The following EFR3B variants were observed in gnomAD, a reference collection of about 807,000 sequenced individuals.
The protein encoded by EFR3B is protein EFR3 homolog B.
A neutral mutation model predicts 104.7 loss-of-function variants in EFR3B; 64 were observed. The observed-to-expected ratio is 0.61, with a 90% CI of 0.50 to 0.75. EFR3B has a LOEUF of 0.75. Ranked by LOEUF, EFR3B falls within the 30% of genes least tolerant of loss-of-function variation. The pLI, the probability that EFR3B is intolerant of heterozygous loss-of-function variation, is 0.00. For missense variants in EFR3B, 750 were observed against 1,078.5 expected (o/e 0.70, Z 4.27); for synonymous variants, 385 against 417.9 (o/e 0.92, Z 0.96).
intron 1 of EFR3B, among the ~76,000 whole-genome samples, chr2:25,071,046 C>T (rs775912522): frequency 5.4e-5 from 8 of 147,974 alleles, no homozygotes; most frequent in Non-Finnish European, 1.2e-4. Context: ...CTGCAAGCTC[C>T]GCCTCCCGGG....
chr2:25,062,571 A>G (rs1448546812), intron 1 of EFR3B, among the ~76,000 whole-genome samples: 1 of 152,236 alleles, frequency 6.6e-6, no homozygotes, highest in Admixed American at 6.5e-5. Context: ...AGCCCGCACC[A>G]GGGCTCTTAC....
At chr2:25,115,159 C>A (rs551412770) in intron 4 of EFR3B, among the ~76,000 whole-genome samples, 15 of 152,074 alleles carry the variant, frequency 9.9e-5, no homozygotes, top group Middle Eastern at 6.8e-3. Flanking sequence ...CCAGCCTGGG[C>A]GACAGGAGTG....
intron 1 of EFR3B, among the ~76,000 whole-genome samples, chr2:25,071,605 G>A (rs979974002): frequency 3.3e-5 from 5 of 152,074 alleles, no homozygotes; most frequent in Admixed American, 6.5e-5. Flanking sequence ...TAATGTAATC[G>A]TAACTTTCAT....
Position 25,091,458 on chromosome 2 carries a change from C to T in EFR3B, c.84+57C>T, listed in dbSNP as rs867325084. 14 of 1,474,112 alleles carry T rather than the reference C, an allele frequency of 9.5e-6. No individual in the cohort carries two copies. In the Middle Eastern group the frequency reaches 6.1e-4, roughly 64 times the overall value. 91.3% of individuals were successfully genotyped at this position (1,474,112 alleles called of 1,614,324 possible). A position where few individuals can be genotyped will look rare whatever the true frequency, so the allele number is the denominator to read the frequency against. On this transcript the variant is annotated intron_variant, in intron 2 of 22. Transcript: ENST00000403714. Reference sequence around the variant, plus strand: ...CTCATGGTCCAGGCAGGGCCTCTGACGGGGGCAGCTTGGAAGCCAGGCCTC... The same window carrying T: ...CTCATGGTCCAGGCAGGGCCTCTGATGGGGGCAGCTTGGAAGCCAGGCCTC...
At chr2:25,085,133 A>G (rs915385264) in intron 1 of EFR3B, among the ~76,000 whole-genome samples, 1 of 152,212 alleles carries the variant, frequency 6.6e-6, no homozygotes, top group Admixed American at 6.5e-5. Flanking sequence ...GCCTTCCCCA[A>G]CTATCGGAGC....
Position 25,154,408 on chromosome 2 carries a change from C to A in EFR3B, c.*68C>A. ...GGGGCTCACCTCACGCCCACCCCGACCACATGGAGATCTGGCTGTGATCTC... is the reference window on the plus strand; with the variant it reads ...GGGGCTCACCTCACGCCCACCCCGAACACATGGAGATCTGGCTGTGATCTC... On this transcript the variant is annotated 3_prime_UTR_variant, in exon 23 of 23. Coordinates refer to ENST00000403714, the MANE Select transcript of EFR3B (RefSeq NM_014971.2). This position sits in a 1 kb window ranked among gnomAD's most constrained non-coding sequence, Gnocchi z 4.1. 1 of 1,357,176 alleles carries A rather than the reference C, an allele frequency of 7.4e-7. No homozygotes were observed. Among genetic ancestry groups the A allele is most frequent in the Non-Finnish European group, 1.0e-6 (1 of 976,722 alleles). 84.1% of individuals were successfully genotyped at this position (1,357,176 alleles called of 1,614,324 possible).
At chr2:25,072,508 C>CCACCT (rs1553386981) in intron 1 of EFR3B, among the ~76,000 whole-genome samples, 2 of 152,162 alleles carry the variant, frequency 1.3e-5, no homozygotes, top group Non-Finnish European at 2.9e-5. Context: ...TCTTGAACTC[C>CCACCT]TGGGCCCAAG....
At chr2:25,063,431 T>C (rs1049611746) in intron 1 of EFR3B, among the ~76,000 whole-genome samples, 6 of 152,214 alleles carry the variant, frequency 3.9e-5, no homozygotes, top group African/African-American at 1.2e-4. Context: ...TTTTTTCTAA[T>C]GGCACACTGA....
chr2:25,146,840 G>T (rs543366445), intron 19 of EFR3B: 1 of 152,300 alleles, frequency 6.6e-6, no homozygotes, highest in Non-Finnish European at 1.5e-5. Context: ...TCCTAGGGCC[G>T]TACTGCCCAG....
chr2:25,079,481 C>T (rs1360896448), intron 1 of EFR3B, among the ~76,000 whole-genome samples: 1 of 152,164 alleles, frequency 6.6e-6, no homozygotes, highest in African/African-American at 2.4e-5. Context: ...ATAATAGTAT[C>T]TACTTTATGG....
At chr2:25,074,496 C>T (rs1668581846) in intron 1 of EFR3B, among the ~76,000 whole-genome samples, 1 of 151,302 alleles carries the variant, frequency 6.6e-6, no homozygotes, top group South Asian at 2.1e-4. Flanking sequence ...ACCCGGGAGG[C>T]AGAGGTTGCA....
intron 1 of EFR3B, among the ~76,000 whole-genome samples, chr2:25,052,063 G>A (rs1165717675): frequency 6.6e-6 from 1 of 151,712 alleles, no homozygotes; most frequent in Non-Finnish European, 1.5e-5. Context: ...GAGCATGGTG[G>A]CACATGCCTG....
rs1489173781 is a variant in EFR3B, at chr2:25,136,512, T to A, written c.1485-11T>A. On this transcript the variant is annotated splice_polypyrimidine_tract_variant and intron_variant, in intron 13 of 22. Coordinates refer to ENST00000403714, the MANE Select transcript of EFR3B (RefSeq NM_014971.2). The surrounding 1 kb of genome is among the most constrained non-coding windows in gnomAD (Gnocchi z 4.0). ...GCAAGGGCTAAGGAGGCCCTTTGCATCCCTTCCCAGTACCCTCAGTGACAT... is the reference window on the plus strand; with the variant it reads ...GCAAGGGCTAAGGAGGCCCTTTGCAACCCTTCCCAGTACCCTCAGTGACAT... 3.2e-6 allele frequency: 5 copies of A among 1,551,004 alleles called. No individual in the cohort carries two copies. Among genetic ancestry groups the A allele is most frequent in the African/African-American group, 1.4e-5 (1 of 72,994 alleles).
chr2:25,121,589 A>G (rs1042906300), intron 4 of EFR3B, 84 bp from the exon 5 acceptor site: 9 of 1,517,418 alleles, frequency 5.9e-6, no homozygotes, highest in Non-Finnish European at 8.0e-6. Flanking sequence ...TGGCTTGACC[A>G]TGGCAGGGGG....
intron 1 of EFR3B, among the ~76,000 whole-genome samples, chr2:25,049,952 T>TAAAAAAAA (rs59279308): frequency 2.9e-5 from 3 of 104,836 alleles, no homozygotes; most frequent in African/African-American, 1.0e-4. Context: ...ACATTTCTAC[T>TAAAAAAAA]AAAAAAAAAA....
chr2:25,084,448 A>G (rs565535938), intron 1 of EFR3B, among the ~76,000 whole-genome samples: 1 of 152,240 alleles, frequency 6.6e-6, no homozygotes, highest in East Asian at 1.9e-4. Flanking sequence ...CATGTTGGCC[A>G]GGCTGGTCTC....
chr2:25,092,863 C>T (rs1669170659), intron 2 of EFR3B, 140 bp from the exon 3 acceptor site: 2 of 1,102,464 alleles, frequency 1.8e-6, no homozygotes, highest in Non-Finnish European at 2.5e-6. Context: ...CTGCCTGTCT[C>T]TGAAACCCAC....
At chr2:25,047,299 C>G (rs1030162576) in intron 1 of EFR3B, among the ~76,000 whole-genome samples, 1 of 152,038 alleles carries the variant, frequency 6.6e-6, no homozygotes, top group Non-Finnish European at 1.5e-5. Context: ...GCACCAAGAA[C>G]CCCACAGCCT....
rs556215539 is a variant in EFR3B, at chr2:25,137,688, A to C, written c.1722+186A>C. 6.6e-6 allele frequency among the ~76,000 whole-genome samples: 1 copy of C among 152,332 alleles called. No homozygotes were observed. Among genetic ancestry groups the C allele is most frequent in the East Asian group, 1.9e-4 (1 of 5,186 alleles). On this transcript the variant is annotated intron_variant, in intron 15 of 22. Coordinates refer to ENST00000403714, the MANE Select transcript of EFR3B (RefSeq NM_014971.2). The surrounding 1 kb of genome is among the most constrained non-coding windows in gnomAD (Gnocchi z 4.7). Reference sequence around the variant, plus strand: ...CATGGTCCTGTTTGGGGAACCCCAAAGAATGCTTCATTCATGGTCTTGGCC... The same window carrying C: ...CATGGTCCTGTTTGGGGAACCCCAACGAATGCTTCATTCATGGTCTTGGCC...
Sources: allele counts gnomAD v4.1 joint callset (sites outside exome capture counted in the v4.1 genomes callset), GRCh38; gene constraint gnomAD v4.1.1; non-coding constraint Gnocchi (gnomAD v3.1); transcripts MANE v1.5; gene names NCBI Gene and HGNC (gene_info 2026-07-23, HGNC 2026-07-21).